The following LIN7A variants were observed in gnomAD, a reference collection of about 807,000 sequenced individuals.
The protein encoded by LIN7A is lin-7 cell polarity scaffold A, also known as protein lin-7 homolog A.
Under a neutral mutation model 29.8 loss-of-function variants are expected in LIN7A, and 25 were observed. The ratio of observed to expected loss-of-function variants is 0.84; its 90% CI spans 0.61 to 1.17. The LOEUF (loss-of-function observed/expected upper bound fraction) is 1.17, where lower values mean the gene tolerates loss of function less well. Among genes scored for constraint, LIN7A ranks in the 50% most tolerant of loss-of-function variants. The probability of loss-of-function intolerance (pLI) is 0.00; values close to 1 mark genes in which losing one functional copy is unlikely to be tolerated. For missense variants in LIN7A, 239 were observed against 287.0 expected (o/e 0.83, Z 1.21); for synonymous variants, 118 against 107.5 (o/e 1.10, Z -0.60).
rs1870374545 is a variant in LIN7A at position 80,794,843 on chromosome 12, C to T, written c.*2884G>A. 6.6e-6 allele frequency: 1 copy of T among 152,048 alleles called. No homozygotes were observed. Among genetic ancestry groups the T allele is most frequent in the Non-Finnish European group, 1.5e-5 (1 of 67,978 alleles). The allele number at this position is 152,048 out of a possible 1,614,324, so 9.4% of individuals were successfully genotyped here. The stretch of plus-strand genomic sequence containing the variant: ...GCAGATGTTCTATTTCAAATGACAA[C>T]AGAATCAAAATGTAAATGCTCCAGT... On this transcript the variant is annotated 3_prime_UTR_variant, in exon 6 of 6. Coordinates refer to ENST00000552864, the MANE Select transcript of LIN7A (RefSeq NM_004664.4).
chr12:80,843,676 G>C (rs886283894), intron 4 of LIN7A, among the ~76,000 whole-genome samples: 1 of 151,730 alleles, frequency 6.6e-6, no homozygotes, highest in Non-Finnish European at 1.5e-5. Context: ...CAAACATTTT[G>C]CCTCATTTTA....
intron 4 of LIN7A, among the ~76,000 whole-genome samples, chr12:80,830,444 G>A (rs765967216): frequency 6.6e-6 from 1 of 152,208 alleles, no homozygotes; most frequent in East Asian, 1.9e-4. Context: ...AGTGCATTTA[G>A]AGTGCTCTGC....
chr12:80,875,531 A>C (rs1437182469), intron 2 of LIN7A, among the ~76,000 whole-genome samples: 1 of 152,224 alleles, frequency 6.6e-6, no homozygotes. Flanking sequence ...CTAATTACAG[A>C]TCACTTTTCA....
intron 2 of LIN7A, among the ~76,000 whole-genome samples, chr12:80,886,200 CAA>C (rs1875317040): frequency 1.2e-5 from 1 of 83,848 alleles, no homozygotes; most frequent in Non-Finnish European, 4.0e-5. Context: ...ACTAAAACTT[CAA>C]AGTTTTTTTT....
chr12:80,807,063 GTTTTTTTTTTTTTT>G (rs71094991), intron 5 of LIN7A, among the ~76,000 whole-genome samples: 41 of 53,590 alleles, frequency 7.7e-4, no homozygotes, highest in African/African-American at 3.4e-3. Flanking sequence ...TGAAGATGGA[GTTTTTTTTTTTTTT>G]TTTTTTTTTT....
intron 5 of LIN7A, among the ~76,000 whole-genome samples, chr12:80,807,063 G>GTTTTTTTTTTTTTTTTTTTTTTTTTTTT (rs71094991): frequency 3.7e-5 from 2 of 53,590 alleles, no homozygotes; most frequent in African/African-American, 1.7e-4. Context: ...TGAAGATGGA[G>GTTTTTTTTTTTTTTTTTTTTTTTTTTTT]TTTTTTTTTT....
rs1592852903 is a variant in LIN7A at position 80,811,763 on chromosome 12, A to G, written c.484-80T>C. The stretch of plus-strand genomic sequence containing the variant: ...GAGACAAATCTGAAATTAATATCAC[A>G]TTAAGAACCCAAAATTTAAAATTTT... On this transcript the variant is annotated intron_variant, in intron 4 of 5. Transcript: ENST00000552864. The G allele has an allele frequency of 2.0e-6, 3 of 1,506,926 alleles. No individual in the cohort carries two copies. In the East Asian group the frequency reaches 6.9e-5, roughly 35 times the overall value. 93.3% of individuals were successfully genotyped at this position (1,506,926 alleles called of 1,614,324 possible).
chr12:80,810,995 G>A (rs1871260038), intron 5 of LIN7A, among the ~76,000 whole-genome samples: 1 of 152,098 alleles, frequency 6.6e-6, no homozygotes, highest in South Asian at 2.1e-4. Flanking sequence ...CCAATAAATT[G>A]TATCTCAGTA....
chr12:80,824,675 T>G (rs1648943625), intron 4 of LIN7A, among the ~76,000 whole-genome samples: 4 of 152,202 alleles, frequency 2.6e-5, no homozygotes, highest in Admixed American at 2.6e-4. Flanking sequence ...CATGATCAGG[T>G]GGGTTTCTTA....
intron 4 of LIN7A, among the ~76,000 whole-genome samples, chr12:80,817,391 T>G (rs1176054579): frequency 2.0e-5 from 3 of 152,094 alleles, no homozygotes; most frequent in Non-Finnish European, 1.5e-5. Flanking sequence ...ACTGGCTAAG[T>G]TTTTAGGCAG....
chr12:80,917,908 C>T (rs1326811117), intron 1 of LIN7A, among the ~76,000 whole-genome samples: 1 of 152,278 alleles, frequency 6.6e-6, no homozygotes, highest in East Asian at 1.9e-4. Flanking sequence ...ATTGTGAGCA[C>T]ACTTTTGGAA....
At position 80,835,342 on chromosome 12, in the gene LIN7A, A is replaced by G. The variant is rs535028011; in HGVS notation, c.483+10388T>C. ...ATTTCTCTTTTTTATCCTAATTACT[A>G]TTAGGAAAGGTAGACAGGACAGGTG... On this transcript the variant is annotated intron_variant, in intron 4 of 5. Transcript: ENST00000552864. Among the ~76,000 whole-genome samples, 43 of 152,242 alleles carry G rather than the reference A, an allele frequency of 2.8e-4. No homozygotes were observed. The South Asian group carries it at 4.6e-3, about 16-fold the overall frequency.
At chr12:80,915,221 A>G (rs140509019) in intron 1 of LIN7A, among the ~76,000 whole-genome samples, 8 of 152,260 alleles carry the variant, frequency 5.3e-5, no homozygotes, top group Non-Finnish European at 8.8e-5. Context: ...ACATGAACAG[A>G]CACTTCTCAA....
chr12:80,835,306 C>A (rs1328003451), intron 4 of LIN7A, among the ~76,000 whole-genome samples: 2 of 152,124 alleles, frequency 1.3e-5, no homozygotes, highest in African/African-American at 2.4e-5. Context: ...TCTTTTAATG[C>A]TGTATTTATC....
At chr12:80,895,491 T>C (rs17007622) in intron 1 of LIN7A, among the ~76,000 whole-genome samples, 3,497 of 152,320 alleles carry the variant, frequency 0.023, 119 homozygotes, top group African/African-American at 0.08. Context: ...TACTGTTCAC[T>C]AATTCCACAA....
chr12:80,933,039 T>C (rs1413606307), intron 1 of LIN7A, among the ~76,000 whole-genome samples: 1 of 152,234 alleles, frequency 6.6e-6, no homozygotes, highest in Non-Finnish European at 1.5e-5. Context: ...TGACATGTAC[T>C]ACTTTCTATA....
chr12:80,817,869 C>T (rs186296735), intron 4 of LIN7A, among the ~76,000 whole-genome samples: 8 of 152,050 alleles, frequency 5.3e-5, no homozygotes, highest in African/African-American at 1.9e-4. Flanking sequence ...TAACTAATCC[C>T]GAAATGAAAT....
rs73137249 is a variant in LIN7A at position 80,803,015 on chromosome 12, C to G, written c.*1-5289G>C. 6.6e-3 allele frequency among the ~76,000 whole-genome samples: 1,008 copies of G among 152,250 alleles called. 7 individuals are homozygous for G. Among genetic ancestry groups the G allele is most frequent in the Non-Finnish European group, 0.01 (703 of 68,012 alleles). ...TTCTTGCTATTGAGTTGTTTAAGTT[C>G]CATACATATTTTGGATATTAGTCCT... is the stretch of plus-strand genomic sequence containing the variant. On this transcript the variant is annotated intron_variant, in intron 5 of 5. Coordinates refer to ENST00000552864, the MANE Select transcript of LIN7A (RefSeq NM_004664.4).
intron 1 of LIN7A, among the ~76,000 whole-genome samples, chr12:80,889,703 C>A (rs1418837691): frequency 6.6e-6 from 1 of 152,060 alleles, no homozygotes; most frequent in Non-Finnish European, 1.5e-5. Flanking sequence ...TCAATTTTGC[C>A]TCTGAGGTGC....
Sources: allele counts gnomAD v4.1 joint callset (sites outside exome capture counted in the v4.1 genomes callset), GRCh38; gene constraint gnomAD v4.1.1; transcripts MANE v1.5; gene names NCBI Gene and HGNC (gene_info 2026-07-23, HGNC 2026-07-21).